The following FOXP1 variants were observed in gnomAD, a reference collection of about 807,000 sequenced individuals.
FOXP1 encodes the protein forkhead box protein P1.
FOXP1 carries 15 observed loss-of-function variants against 98.2 expected under a neutral mutation model. That is an observed-to-expected ratio of 0.15 (90% CI 0.10 to 0.24). The LOEUF (loss-of-function observed/expected upper bound fraction) is 0.24, where lower values mean the gene tolerates loss of function less well. FOXP1 is among the 10% of genes least tolerant of loss of function. The probability of loss-of-function intolerance (pLI) is 1.00; values close to 1 mark genes in which losing one functional copy is unlikely to be tolerated. For synonymous variants in FOXP1, 371 were observed against 314.5 expected (o/e 1.18, Z -1.90); for missense variants, 633 against 848.5 (o/e 0.75, Z 3.15).
intron 2 of FOXP1, among the ~76,000 whole-genome samples, chr3:71,563,145 G>A (rs2046662040): frequency 2.0e-5 from 3 of 152,132 alleles, no homozygotes; most frequent in Admixed American, 2.0e-4. Context: ...TGGCTGGGGA[G>A]GAGCAAGCTG....
At chr3:71,234,051 T>C (rs2066566627) in intron 5 of FOXP1, among the ~76,000 whole-genome samples, 1 of 152,106 alleles carries the variant, frequency 6.6e-6, no homozygotes, top group South Asian at 2.1e-4. Flanking sequence ...ACTTCCAGAC[T>C]GTTCAGTAGT....
At chr3:71,438,459 TCTCCATC>T (rs1414371635) in intron 3 of FOXP1, among the ~76,000 whole-genome samples, 1 of 152,154 alleles carries the variant, frequency 6.6e-6, no homozygotes, top group African/African-American at 2.4e-5. Flanking sequence ...CTCGGCTGAC[TCTCCATC>T]CTCCTGGCCA....
chr3:71,189,330 A>G (rs2062832423), intron 6 of FOXP1, among the ~76,000 whole-genome samples: 1 of 152,218 alleles, frequency 6.6e-6, no homozygotes, highest in Non-Finnish European at 1.5e-5. Flanking sequence ...TGGGAACACA[A>G]GCATTTTATC....
rs1290308903 is a variant in FOXP1 at position 71,483,378 on chromosome 3, G to A, written c.-168+10048C>T. ...ATCAGAAACCGAAGAGCAAGTGAGC[G>A]AGCAGAAACACCAGAGAGCGGGAAC... is the stretch of plus-strand genomic sequence containing the variant. On this transcript the variant is annotated intron_variant, in intron 3 of 20. Coordinates refer to ENST00000649528, the MANE Select transcript of FOXP1 (RefSeq NM_001349338.3). Among the ~76,000 whole-genome samples the A allele has an allele frequency of 7.9e-5, 12 of 152,124 alleles. 1 individual carries two copies. The South Asian group carries it at 2.1e-3, about 26-fold the overall frequency.
intron 3 of FOXP1, among the ~76,000 whole-genome samples, chr3:71,432,218 C>T (rs963957812): frequency 1.3e-5 from 2 of 152,232 alleles, no homozygotes; most frequent in Admixed American, 6.5e-5. Flanking sequence ...CTGTGGTGTG[C>T]ATAGACTTCT....
chr3:71,414,415 G>A (rs1036210441), intron 3 of FOXP1, among the ~76,000 whole-genome samples: 2 of 152,188 alleles, frequency 1.3e-5, no homozygotes, highest in Non-Finnish European at 2.9e-5. Context: ...GAAAATCCCA[G>A]TCACAGATGC....
At chr3:71,198,445 C>G in intron 5 of FOXP1, 53 bp from the exon 6 acceptor site, 1 of 1,387,206 alleles carries the variant, frequency 7.2e-7, no homozygotes, top group Non-Finnish European at 1.0e-6. Context: ...AAAAAAAAAG[C>G]AGCTGTTAAA....
chr3:71,406,724 G>A (rs2082372984), intron 3 of FOXP1, among the ~76,000 whole-genome samples: 1 of 152,058 alleles, frequency 6.6e-6, no homozygotes, highest in African/African-American at 2.4e-5. Flanking sequence ...AAGGGATTAG[G>A]ATGTAGAGCT....
chr3:71,468,786 C>T (rs2089037569), intron 3 of FOXP1, among the ~76,000 whole-genome samples: 1 of 152,162 alleles, frequency 6.6e-6, no homozygotes, highest in Admixed American at 6.5e-5. Flanking sequence ...TCATGTGAGG[C>T]TTTTAAGAAC....
At chr3:71,311,588 A>G (rs1191126222) in intron 4 of FOXP1, among the ~76,000 whole-genome samples, 3 of 152,246 alleles carry the variant, frequency 2.0e-5, no homozygotes, top group Non-Finnish European at 4.4e-5. Context: ...GAATGGCTCT[A>G]CAGCTAGATT....
chr3:71,488,117 T>C (rs572460290), intron 3 of FOXP1, among the ~76,000 whole-genome samples: 12 of 152,204 alleles, frequency 7.9e-5, no homozygotes, highest in Non-Finnish European at 1.3e-4. Context: ...TCACAGCTAA[T>C]ATATATGAAG....
At chr3:71,384,119 T>G (rs573796412) in intron 3 of FOXP1, among the ~76,000 whole-genome samples, 13 of 152,264 alleles carry the variant, frequency 8.5e-5, no homozygotes, top group African/African-American at 3.1e-4. Context: ...TGTGGGAGGC[T>G]GAGGCAGGAG....
chr3:71,002,413 T>G (rs141881264), intron 12 of FOXP1, among the ~76,000 whole-genome samples: 41 of 152,304 alleles, frequency 2.7e-4, no homozygotes, highest in African/African-American at 9.4e-4. Context: ...CCTCCAATCT[T>G]AGGCCAGAAT....
intron 11 of FOXP1, among the ~76,000 whole-genome samples, chr3:71,024,769 C>T (rs903212811): frequency 4.6e-5 from 7 of 152,222 alleles, no homozygotes; most frequent in African/African-American, 1.7e-4. Context: ...TTGTTATTAT[C>T]TGCTCTCAAT....
chr3:71,322,972 CTT>C (rs879670656), intron 4 of FOXP1, among the ~76,000 whole-genome samples: 22 of 139,884 alleles, frequency 1.6e-4, no homozygotes, highest in Admixed American at 1.4e-4. Context: ...AAGCTCGGTA[CTT>C]TTTTTTTTTT....
intron 3 of FOXP1, among the ~76,000 whole-genome samples, chr3:71,439,501 C>G (rs971193315): frequency 3.3e-5 from 5 of 152,142 alleles, no homozygotes; most frequent in African/African-American, 9.7e-5. Flanking sequence ...CCCTAGAGAA[C>G]TGAAAGAAGA....
intron 3 of FOXP1, among the ~76,000 whole-genome samples, chr3:71,415,692 A>G (rs1325364519): frequency 6.6e-6 from 1 of 151,602 alleles, no homozygotes; most frequent in Non-Finnish European, 1.5e-5. Flanking sequence ...TAACTCAATC[A>G]TTAGTTGCTC....
At chr3:70,981,622 T>A (rs989965836) in intron 14 of FOXP1, among the ~76,000 whole-genome samples, 8 of 152,202 alleles carry the variant, frequency 5.3e-5, no homozygotes, top group Admixed American at 3.3e-4. Context: ...ATATTTGTAA[T>A]GATGGCTATG....
chr3:71,261,481 CA>C (rs2069132835), intron 5 of FOXP1, among the ~76,000 whole-genome samples: 1 of 150,798 alleles, frequency 6.6e-6, no homozygotes. Flanking sequence ...ATAGTTAGAC[CA>C]AAATATTATA....
Sources: gnomAD v4.1 joint callset for allele counts (sites outside exome capture counted in the v4.1 genomes callset) on GRCh38, gnomAD v4.1.1 for gene constraint, MANE v1.5 for transcripts, NCBI Gene and HGNC (gene_info 2026-07-23, HGNC 2026-07-21) for gene names.